SNTB1: variants seen among roughly 807,000 people sequenced by gnomAD.
The protein encoded by SNTB1 is syntrophin beta 1.
Under a neutral mutation model 48.9 loss-of-function variants are expected in SNTB1, and 36 were observed. That is an observed-to-expected ratio of 0.74 (90% CI 0.56 to 0.97). SNTB1 has a LOEUF of 0.97. SNTB1 is among the 50% of genes least tolerant of loss of function. SNTB1 has a pLI of 0.00. For synonymous variants in SNTB1, 299 were observed against 294.6 expected (o/e 1.01, Z -0.15); for missense variants, 786 against 703.4 (o/e 1.12, Z -1.33).
At chr8:120,637,108 G>T in intron 2 of SNTB1, 1 of 342,738 alleles carries the variant, frequency 2.9e-6, no homozygotes, top group Non-Finnish European at 5.8e-6. Flanking sequence ...AGTGTTTGCA[G>T]GCTTGGAAGA....
chr8:120,713,222 T>A (rs1170701337), intron 1 of SNTB1, among the ~76,000 whole-genome samples: 1 of 152,144 alleles, frequency 6.6e-6, no homozygotes, highest in Non-Finnish European at 1.5e-5. Flanking sequence ...AGAATATTTT[T>A]AAAAATTCAG....
At chr8:120,583,496 A>G (rs1267327533) in intron 3 of SNTB1, among the ~76,000 whole-genome samples, 2 of 146,918 alleles carry the variant, frequency 1.4e-5, no homozygotes, top group Non-Finnish European at 3.0e-5. Context: ...TGGGTGAAAG[A>G]GGGAAACTCC....
At chr8:120,737,676 T>C (rs1317437034) in intron 1 of SNTB1, among the ~76,000 whole-genome samples, 1 of 152,172 alleles carries the variant, frequency 6.6e-6, no homozygotes, top group Non-Finnish European at 1.5e-5. Context: ...CATGTCAAGG[T>C]ATGTCTTGGT....
At chr8:120,678,882 C>T (rs1260955321) in intron 2 of SNTB1, among the ~76,000 whole-genome samples, 1 of 152,226 alleles carries the variant, frequency 6.6e-6, no homozygotes, top group Non-Finnish European at 1.5e-5. Flanking sequence ...CCTCCCTCAC[C>T]TCTGGCTTCC....
At chr8:120,602,902 G>A (rs969191798) in intron 3 of SNTB1, among the ~76,000 whole-genome samples, 9 of 151,626 alleles carry the variant, frequency 5.9e-5, no homozygotes, top group South Asian at 2.1e-4. Context: ...TTTAAAAAGC[G>A]TTTAAACATT....
At chr8:120,735,338 G>T (rs578251476) in intron 1 of SNTB1, among the ~76,000 whole-genome samples, 1 of 152,288 alleles carries the variant, frequency 6.6e-6, no homozygotes, top group African/African-American at 2.4e-5. Flanking sequence ...AAGGGAGGCA[G>T]CAAGGCATGA....
intron 3 of SNTB1, among the ~76,000 whole-genome samples, chr8:120,575,673 A>G (rs777919256): frequency 1.9e-4 from 29 of 152,160 alleles, no homozygotes; most frequent in Non-Finnish European, 1.5e-5. Flanking sequence ...CTACCCAGAC[A>G]GAGTGAGATA....
At chr8:120,718,945 A>C (rs1818608269) in intron 1 of SNTB1, among the ~76,000 whole-genome samples, 1 of 152,170 alleles carries the variant, frequency 6.6e-6, no homozygotes, top group Non-Finnish European at 1.5e-5. Context: ...GTGACTAGGA[A>C]AGTGTGGTGA....
intron 2 of SNTB1, among the ~76,000 whole-genome samples, chr8:120,641,424 C>G (rs749669762): frequency 6.6e-6 from 1 of 152,078 alleles, no homozygotes; most frequent in Admixed American, 6.6e-5. Context: ...TTCAAAGAAA[C>G]GACATCTTGG....
At chr8:120,659,467 T>G (rs1261917274) in intron 2 of SNTB1, among the ~76,000 whole-genome samples, 1 of 152,222 alleles carries the variant, frequency 6.6e-6, no homozygotes, top group African/African-American at 2.4e-5. Context: ...TCTCTTGCTA[T>G]TTCTACCACA....
At chr8:120,611,363 A>AG (rs397692930) in intron 3 of SNTB1, among the ~76,000 whole-genome samples, 1 of 151,596 alleles carries the variant, frequency 6.6e-6, no homozygotes, top group Non-Finnish European at 1.5e-5. Context: ...TGGAAAAAAA[A>AG]TCGTTAATAA....
At chr8:120,664,674 A>G (rs1004924092) in intron 2 of SNTB1, among the ~76,000 whole-genome samples, 2 of 152,202 alleles carry the variant, frequency 1.3e-5, no homozygotes, top group Non-Finnish European at 2.9e-5. Context: ...TCACCCTTCG[A>G]TGGGAAAGTG....
At chr8:120,652,949 C>A (rs575110409) in intron 2 of SNTB1, among the ~76,000 whole-genome samples, 120 of 152,174 alleles carry the variant, frequency 7.9e-4, no homozygotes, top group Non-Finnish European at 1.5e-3. Context: ...CAGAAAATCC[C>A]AGTAAATCTC....
At chr8:120,648,978 A>G (rs1284175464) in intron 2 of SNTB1, among the ~76,000 whole-genome samples, 3 of 150,010 alleles carry the variant, frequency 2.0e-5, no homozygotes, top group South Asian at 2.2e-4. Context: ...AGGCTTCTGC[A>G]TTCTTCACGT....
At chr8:120,565,944 C>T (rs1256316973) in intron 4 of SNTB1, among the ~76,000 whole-genome samples, 2 of 152,076 alleles carry the variant, frequency 1.3e-5, no homozygotes, top group African/African-American at 4.8e-5. Flanking sequence ...TGTGGTGGCT[C>T]ACGCCTGTAA....
At chr8:120,665,725 T>C (rs1010099089) in intron 2 of SNTB1, among the ~76,000 whole-genome samples, 1 of 152,190 alleles carries the variant, frequency 6.6e-6, no homozygotes, top group African/African-American at 2.4e-5. Context: ...GATGATACAT[T>C]TGAAGGAATT....
intron 2 of SNTB1, among the ~76,000 whole-genome samples, chr8:120,670,998 G>A (rs1817748317): frequency 2.0e-5 from 3 of 152,216 alleles, no homozygotes; most frequent in African/African-American, 4.8e-5. Context: ...ATCAGGTTTT[G>A]TACTTTGGGA....
At chr8:120,778,806 CAATT>C (rs1263743378) in intron 1 of SNTB1, among the ~76,000 whole-genome samples, 1 of 151,934 alleles carries the variant, frequency 6.6e-6, no homozygotes, top group Non-Finnish European at 1.5e-5. Context: ...AGTTGAGAAG[CAATT>C]GATTGAGACT....
At chr8:120,567,730 C>T (rs4871070) in intron 4 of SNTB1, among the ~76,000 whole-genome samples, 31,255 of 151,800 alleles carry the variant, frequency 0.21, 4,081 homozygotes, top group East Asian at 0.46. Context: ...AATAATATTA[C>T]CATGGCCTTC....
Sources: gnomAD v4.1 joint callset for allele counts (sites outside exome capture counted in the v4.1 genomes callset) on GRCh38, gnomAD v4.1.1 for gene constraint, MANE v1.5 for transcripts, NCBI Gene and HGNC (gene_info 2026-07-23, HGNC 2026-07-21) for gene names.